The following CCDC152 variants were observed in gnomAD, a reference collection of about 807,000 sequenced individuals.
CCDC152 encodes the protein coiled-coil domain containing 152.
A neutral mutation model predicts 38.1 loss-of-function variants in CCDC152; 37 were observed. The ratio of observed to expected loss-of-function variants is 0.97; its 90% CI spans 0.75 to 1.28. The LOEUF is 1.28. Ranked by LOEUF, CCDC152 falls within the 50% of genes most tolerant of loss-of-function variation. The pLI is 0.00. For synonymous variants in CCDC152, 83 were observed against 87.1 expected (o/e 0.95, Z 0.26); for missense variants, 259 against 292.1 (o/e 0.89, Z 0.83).
At chr5:42,798,078 G>T (rs1374088692) in intron 7 of CCDC152, among the ~76,000 whole-genome samples, 1 of 152,144 alleles carries the variant, frequency 6.6e-6, no homozygotes, top group Non-Finnish European at 1.5e-5. Flanking sequence ...TTGAACCCGG[G>T]AGGCAGACTT....
chr5:42,766,871 T>C (rs755967022), intron 3 of CCDC152, among the ~76,000 whole-genome samples: 2 of 152,128 alleles, frequency 1.3e-5, no homozygotes, highest in Non-Finnish European at 2.9e-5. Flanking sequence ...CTACAGTCAA[T>C]AATAACTTAA....
Position 42,778,693 on chromosome 5 carries a change from C to T in CCDC152, c.263-765C>T, listed in dbSNP as rs146488378. ...ATTCTCCTCATTGCTTCCTTTTTTC[C>T]ATACTGCCGCTGACGTAATTTAGGT... On this transcript the variant is annotated intron_variant, in intron 4 of 8. Coordinates refer to ENST00000361970, the MANE Select transcript of CCDC152 (RefSeq NM_001134848.2). 0.011 allele frequency among the ~76,000 whole-genome samples: 1,687 copies of T among 152,084 alleles called. 74 individuals are homozygous for T. The South Asian group carries it at 0.16, about 14-fold the overall frequency.
chr5:42,796,871 A>G lies in CCDC152; in HGVS notation c.473A>G (p.Lys158Arg). 1 of 1,525,212 alleles carries G rather than the reference A, an allele frequency of 6.6e-7. No individual in the cohort carries two copies. The allele number at this position is 1,525,212 out of a possible 1,614,324, so 94.5% of individuals were successfully genotyped here. A position where few individuals can be genotyped will look rare whatever the true frequency, so the allele number is the denominator to read the frequency against. Reference sequence around the variant, plus strand: ...AAGCACAAAGAACTAATAGAGAAAAAGGAGATGGAAATTTCAGAGTTAAAT... The same window carrying G: ...AAGCACAAAGAACTAATAGAGAAAAGGGAGATGGAAATTTCAGAGTTAAAT... The part of the protein sequence containing the change: ...EEKHKELIEK[K>R]EMEISELNAK... Residue 158 changes from lysine to arginine, a missense_variant, in exon 7 of 9, where the codon AAG becomes AGG. Transcript: ENST00000361970.
In CCDC152 at chr5:42,799,478, A is replaced by T. The variant is rs1760130065; in HGVS notation, c.642+20A>T. The T allele has an allele frequency of 1.4e-6, 2 of 1,436,944 alleles. No individual in the cohort carries two copies. Among genetic ancestry groups the T allele is most frequent in the Non-Finnish European group, 1.9e-6 (2 of 1,059,092 alleles). The allele number at this position is 1,436,944 out of a possible 1,614,324, so 89.0% of individuals were successfully genotyped here. A position where few individuals can be genotyped will look rare whatever the true frequency, so the allele number is the denominator to read the frequency against. Reference sequence around the variant, plus strand: ...AGAAGGGTATGTGAGTTTTCCTCTCAGTATTTGTTGCTTAAGAAAACTTTC... The same window carrying T: ...AGAAGGGTATGTGAGTTTTCCTCTCTGTATTTGTTGCTTAAGAAAACTTTC... On this transcript the variant is annotated intron_variant, in intron 8 of 8. Coordinates refer to ENST00000361970, the MANE Select transcript of CCDC152 (RefSeq NM_001134848.2).
At chr5:42,779,321 A>G (rs1759811172) in intron 4 of CCDC152, 137 bp from the exon 5 acceptor site, 1 of 630,348 alleles carries the variant, frequency 1.6e-6, no homozygotes, top group Non-Finnish European at 2.9e-6. Context: ...AGTGTCTAGC[A>G]TGGTGCCTGA....
At chr5:42,765,916 T>C (rs1220782678) in intron 3 of CCDC152, among the ~76,000 whole-genome samples, 1 of 152,072 alleles carries the variant, frequency 6.6e-6, no homozygotes, top group Non-Finnish European at 1.5e-5. Context: ...ACAAATGGGA[T>C]CACATCAAGT....
intron 4 of CCDC152, among the ~76,000 whole-genome samples, chr5:42,778,449 A>AAAAC (rs1435976509): frequency 4.6e-5 from 7 of 152,202 alleles, no homozygotes; most frequent in Non-Finnish European, 1.0e-4. Context: ...AAGGATCATG[A>AAAAC]AAACTTTCAA....
chr5:42,801,159 G>A lies in CCDC152; in HGVS notation c.*1378G>A. On this transcript the variant is annotated 3_prime_UTR_variant, in exon 9 of 9. Coordinates refer to ENST00000361970, the MANE Select transcript of CCDC152 (RefSeq NM_001134848.2). The stretch of plus-strand genomic sequence containing the variant: ...ATGAAGGCCTGGAGGAGCAGGATGA[G>A]TAGGAGCATTTGGTGCTCCTGGTTG... 1.2e-6 allele frequency: 2 copies of A among 1,614,158 alleles called. No individual in the cohort carries two copies. Among genetic ancestry groups the A allele is most frequent in the Non-Finnish European group, 1.7e-6 (2 of 1,180,030 alleles).
intron 1 of CCDC152, 117 bp downstream of exon 1, chr5:42,757,002 C>G (rs1759488165): frequency 6.5e-6 from 1 of 152,736 alleles, no homozygotes; most frequent in Non-Finnish European, 1.5e-5. Context: ...TCAGACACCT[C>G]TCTCACATCC....
At chr5:42,790,601 G>A (rs1579720996) in intron 6 of CCDC152, among the ~76,000 whole-genome samples, 1 of 152,170 alleles carries the variant, frequency 6.6e-6, no homozygotes, top group Non-Finnish European at 1.5e-5. Context: ...AAATGGGAAG[G>A]GAACCAGGAG....
chr5:42,770,679 C>T (rs1759685412), intron 4 of CCDC152, among the ~76,000 whole-genome samples: 3 of 152,114 alleles, frequency 2.0e-5, no homozygotes. Context: ...TAAAGAATGT[C>T]ATTGGCATTT....
At chr5:42,786,593 T>A (rs1759924397) in intron 6 of CCDC152, among the ~76,000 whole-genome samples, 1 of 152,098 alleles carries the variant, frequency 6.6e-6, no homozygotes, top group Non-Finnish European at 1.5e-5. Context: ...CCAGTTTTTG[T>A]CTCATTGATC....
rs1760145490 is a variant in CCDC152, at chr5:42,800,034, C to T, written c.*253C>T. On this transcript the variant is annotated 3_prime_UTR_variant, in exon 9 of 9. Transcript: ENST00000361970. ...CCATCATTGACTATGGAAATACTTACTAAGCAATATAGAGACAGACAATAT... is the reference window on the plus strand; with the variant it reads ...CCATCATTGACTATGGAAATACTTATTAAGCAATATAGAGACAGACAATAT... 1 of 396,670 alleles carries T rather than the reference C, an allele frequency of 2.5e-6. No individual in the cohort carries two copies. The highest frequency in any genetic ancestry group is 4.4e-6 in the Non-Finnish European group (1 of 226,004). 24.6% of individuals were successfully genotyped at this position (396,670 alleles called of 1,614,324 possible).
intron 5 of CCDC152, among the ~76,000 whole-genome samples, chr5:42,780,428 T>C (rs934837217): frequency 2.0e-5 from 3 of 152,160 alleles, no homozygotes; most frequent in African/African-American, 7.2e-5. Flanking sequence ...TTTTCCTTTT[T>C]CCCTTTATTC....
At chr5:42,781,624 T>C (rs980801795) in intron 5 of CCDC152, among the ~76,000 whole-genome samples, 2 of 151,968 alleles carry the variant, frequency 1.3e-5, no homozygotes, top group African/African-American at 4.8e-5. Flanking sequence ...TACCTTAAAA[T>C]TTGGAAGTTG....
rs924881511 is a variant in CCDC152, at chr5:42,758,246, C to G, written c.-2-874C>G. On this transcript the variant is annotated intron_variant, in intron 1 of 8. Coordinates refer to ENST00000361970, the MANE Select transcript of CCDC152 (RefSeq NM_001134848.2). ...ATATCTTGATGAAATAACATATTGT[C>G]AAGCAATATCTGTTTTGGTTAACTT... Among the ~76,000 whole-genome samples, 7 of 152,146 alleles carry G rather than the reference C, an allele frequency of 4.6e-5. No homozygotes were observed. In the South Asian group the frequency reaches 1.4e-3, roughly 31 times the overall value.
intron 6 of CCDC152, among the ~76,000 whole-genome samples, chr5:42,789,245 T>C (rs568867919): frequency 6.6e-6 from 1 of 151,760 alleles, no homozygotes; most frequent in Non-Finnish European, 1.5e-5. Context: ...TGCTAGAGTC[T>C]TGCTGCCTTC....
intron 7 of CCDC152, among the ~76,000 whole-genome samples, chr5:42,799,081 G>A (rs1288197112): frequency 3.3e-5 from 5 of 151,914 alleles, no homozygotes; most frequent in South Asian, 2.1e-4. Context: ...AAAAGATGAC[G>A]CTAGCTGCAC....
At chr5:42,777,384 C>A (rs1387808205) in intron 4 of CCDC152, among the ~76,000 whole-genome samples, 1 of 151,854 alleles carries the variant, frequency 6.6e-6, no homozygotes, top group African/African-American at 2.4e-5. Context: ...ATAGCTTGAA[C>A]CCAGGAGGGG....
Sources: gnomAD v4.1 joint callset for allele counts (sites outside exome capture counted in the v4.1 genomes callset) on GRCh38, gnomAD v4.1.1 for gene constraint, MANE v1.5 for transcripts, NCBI Gene and HGNC (gene_info 2026-07-23, HGNC 2026-07-21) for gene names.